HDDC2: variants seen among roughly 807,000 people sequenced by gnomAD.
HDDC2 encodes the protein HD domain containing 2.
A neutral mutation model predicts 25.5 loss-of-function variants in HDDC2; 25 were observed. The observed-to-expected ratio is 0.98, with a 90% CI of 0.72 to 1.37. The LOEUF (loss-of-function observed/expected upper bound fraction) is 1.37. Ranked by LOEUF, HDDC2 falls within the 40% of genes most tolerant of loss-of-function variation. The pLI, the probability that HDDC2 is intolerant of heterozygous loss-of-function variation, is 0.00. For missense variants in HDDC2, 264 were observed against 253.1 expected (o/e 1.04, Z -0.29); for synonymous variants, 106 against 89.7 (o/e 1.18, Z -1.03).
chr6:125,286,932 G>A (rs1197215169), intron 4 of HDDC2, among the ~76,000 whole-genome samples: 1 of 152,186 alleles, frequency 6.6e-6, no homozygotes, highest in African/African-American at 2.4e-5. Context: ...TAAGCGTGAA[G>A]AAAAACTAGT....
At chr6:125,293,023 G>T in intron 3 of HDDC2, 114 bp from the exon 4 acceptor site, 1 of 830,262 alleles carries the variant, frequency 1.2e-6, no homozygotes, top group Non-Finnish European at 2.1e-6. Flanking sequence ...AGGGGCAGCA[G>T]AGTAAATTGG....
intron 4 of HDDC2, among the ~76,000 whole-genome samples, chr6:125,279,570 T>C (rs999968736): frequency 6.2e-4 from 94 of 152,344 alleles, no homozygotes; most frequent in African/African-American, 2.2e-3. Context: ...GTAATGCACA[T>C]GTTAATTAGC....
intron 3 of HDDC2, among the ~76,000 whole-genome samples, chr6:125,295,887 T>A (rs1583055320): frequency 6.6e-6 from 1 of 152,288 alleles, no homozygotes; most frequent in South Asian, 2.1e-4. Flanking sequence ...TCAACCTGCA[T>A]TATCAACCTG....
At chr6:125,300,346 A>G in intron 2 of HDDC2, 192 bp downstream of exon 2, 1 of 620,960 alleles carries the variant, frequency 1.6e-6, no homozygotes, top group Non-Finnish European at 2.6e-6. Flanking sequence ...TTGCCAACAG[A>G]AACCCCAGAT....
intron 4 of HDDC2, among the ~76,000 whole-genome samples, chr6:125,291,723 G>T (rs1311579443): frequency 1.3e-5 from 2 of 152,178 alleles, no homozygotes; most frequent in African/African-American, 4.8e-5. Context: ...TCACACATGG[G>T]TGTGTAAATA....
intron 4 of HDDC2, among the ~76,000 whole-genome samples, chr6:125,288,394 G>C (rs1798576283): frequency 6.6e-6 from 1 of 152,176 alleles, no homozygotes; most frequent in South Asian, 2.1e-4. Context: ...ACGGCACAGA[G>C]TCTCTGAATC....
At chr6:125,294,233 G>T (rs1798672010) in intron 3 of HDDC2, among the ~76,000 whole-genome samples, 1 of 152,154 alleles carries the variant, frequency 6.6e-6, no homozygotes, top group Non-Finnish European at 1.5e-5. Flanking sequence ...ATAGTGAGTT[G>T]CAGGAAAGCA....
At chr6:125,299,071 T>TA (rs1165272525) in intron 2 of HDDC2, among the ~76,000 whole-genome samples, 1 of 152,166 alleles carries the variant, frequency 6.6e-6, no homozygotes, top group Non-Finnish European at 1.5e-5. Flanking sequence ...TTAAATGGTT[T>TA]ATCTCTGAAA....
At chr6:125,279,127 T>A (rs1004561897) in intron 4 of HDDC2, 1 of 152,188 alleles carries the variant, frequency 6.6e-6, no homozygotes, top group East Asian at 1.9e-4. Context: ...GACCTGAGAA[T>A]AGGAGAATCT....
At chr6:125,281,069 T>C (rs1224423057) in intron 4 of HDDC2, among the ~76,000 whole-genome samples, 1 of 152,242 alleles carries the variant, frequency 6.6e-6, no homozygotes, top group Non-Finnish European at 1.5e-5. Context: ...AAACAGGGTC[T>C]GGAGTGGACC....
intron 4 of HDDC2, among the ~76,000 whole-genome samples, chr6:125,283,179 G>A (rs1006974571): frequency 6.6e-6 from 1 of 152,086 alleles, no homozygotes; most frequent in Non-Finnish European, 1.5e-5. Context: ...AATAATAAGA[G>A]CTATTTATGA....
chr6:125,284,375 C>A (rs1465026464), intron 4 of HDDC2, among the ~76,000 whole-genome samples: 1 of 152,162 alleles, frequency 6.6e-6, no homozygotes, highest in Non-Finnish European at 1.5e-5. Context: ...AGTGAACAGG[C>A]AACCTACAGA....
chr6:125,301,817 G>A, intron 1 of HDDC2, 32 bp downstream of exon 1: 2 of 1,510,490 alleles, frequency 1.3e-6, no homozygotes, highest in African/African-American at 1.4e-5. Flanking sequence ...CCGCCCGCTC[G>A]GCCGCGGCCT....
chr6:125,287,025 T>C (rs561618713), intron 4 of HDDC2, among the ~76,000 whole-genome samples: 1 of 152,256 alleles, frequency 6.6e-6, no homozygotes, highest in South Asian at 2.1e-4. Context: ...ATCTAGCCTG[T>C]GGAACTAGCT....
intron 3 of HDDC2, among the ~76,000 whole-genome samples, chr6:125,295,974 T>G (rs1369237838): frequency 6.6e-6 from 1 of 152,166 alleles, no homozygotes. Flanking sequence ...CTTTCTAAAT[T>G]TGTTTCTTCT....
At chr6:125,299,963 G>C (rs1371538859) in intron 2 of HDDC2, among the ~76,000 whole-genome samples, 1 of 152,100 alleles carries the variant, frequency 6.6e-6, no homozygotes, top group East Asian at 1.9e-4. Flanking sequence ...GATCTCCCCT[G>C]CTCTTACAAT....
intron 4 of HDDC2, among the ~76,000 whole-genome samples, chr6:125,287,209 A>G (rs9482638): frequency 0.022 from 3,291 of 152,268 alleles, 110 homozygotes; most frequent in African/African-American, 0.075. Flanking sequence ...AAAAGACATT[A>G]AGCTTTAAAA....
chr6:125,293,961 G>C (rs1798667205), intron 3 of HDDC2, among the ~76,000 whole-genome samples: 3 of 152,156 alleles, frequency 2.0e-5, no homozygotes. Flanking sequence ...GTACTTCTAG[G>C]CTTTCTGTAC....
At chr6:125,296,125 T>A (rs1412793115) in intron 3 of HDDC2, among the ~76,000 whole-genome samples, 1 of 150,582 alleles carries the variant, frequency 6.6e-6, no homozygotes, top group Non-Finnish European at 1.5e-5. Flanking sequence ...AAAAAAAAAA[T>A]TAAAAAAAAA....
Sources: allele counts gnomAD v4.1 joint callset (sites outside exome capture counted in the v4.1 genomes callset), GRCh38; gene constraint gnomAD v4.1.1; transcripts MANE v1.5; gene names NCBI Gene and HGNC (gene_info 2026-07-23, HGNC 2026-07-21).